The following STARD13 variants were observed in gnomAD, a reference collection of about 807,000 sequenced individuals.
STARD13 encodes StAR related lipid transfer domain containing 13, also known as stAR-related lipid transfer protein 13.
In STARD13, 62 loss-of-function variants were observed where a neutral mutation model predicts 106.4. The ratio of observed to expected loss-of-function variants is 0.58; its 90% CI spans 0.48 to 0.72. STARD13 has a LOEUF of 0.72. Ranked by LOEUF, STARD13 falls within the 30% of genes least tolerant of loss-of-function variation. The pLI, the probability that STARD13 is intolerant of heterozygous loss-of-function variation, is 0.00. For missense variants in STARD13, 1,387 were observed against 1,424.0 expected (o/e 0.97, Z 0.42); for synonymous variants, 565 against 553.0 (o/e 1.02, Z -0.31).
rs5802678 is a variant in STARD13 at position 33,262,662 on chromosome 13, A to ACACACACAAC, written c.169+22807_169+22808insGTTGTGTGTG. Among the ~76,000 whole-genome samples, 28 of 114,986 alleles carry ACACACACAAC rather than the reference A, an allele frequency of 2.4e-4. 1 individual carries two copies. Among genetic ancestry groups the ACACACACAAC allele is most frequent in the African/African-American group, 9.2e-4 (28 of 30,538 alleles). The allele number at this position is 114,986 out of a possible 152,430, so 75.4% of individuals were successfully genotyped here. On this transcript the variant is annotated intron_variant, in intron 1 of 13. Coordinates refer to ENST00000336934, the MANE Select transcript of STARD13 (RefSeq NM_178006.4). ...AACCCCCCCCCCCACACACACACAC[A>ACACACACAAC]ACACACACACACACACACACACACA...
chr13:33,611,786 T>C, the STARD13 span, among the ~76,000 whole-genome samples: 8 of 152,222 alleles, frequency 5.3e-5, no homozygotes, highest in Non-Finnish European at 8.8e-5. Flanking sequence ...ACTGAGTTGA[T>C]CAGTGTCCTG....
Position 33,118,185 on chromosome 13 carries a change from C to A in STARD13, c.2161G>T (p.Val721Phe). ...TAAGCAGACTGGTCTTCATAGTTGA[C>A]GTTCTCAGGGAAGTTTTCATTCATT... ...RQMNENFPENVNYEDQSAYDV... is the reference protein window; with the variant it reads ...RQMNENFPENFNYEDQSAYDV... The change falls in exon 8 of 14, where the codon GTC becomes TTC. Residue 721 changes from valine (V) to phenylalanine (F), a missense_variant. Transcript: ENST00000336934. 6.2e-7 allele frequency: 1 copy of A among 1,614,166 alleles called. No individual in the cohort carries two copies. The highest frequency in any genetic ancestry group is 8.5e-7 in the Non-Finnish European group (1 of 1,180,024).
chr13:33,580,136 A>T, the STARD13 span, among the ~76,000 whole-genome samples: 1 of 152,150 alleles, frequency 6.6e-6, no homozygotes, highest in Non-Finnish European at 1.5e-5. Context: ...ATTTATTCAG[A>T]ATTACCAAAA....
intron 1 of STARD13, among the ~76,000 whole-genome samples, chr13:33,333,102 T>G (rs1489851183): frequency 5.3e-5 from 8 of 152,174 alleles, no homozygotes; most frequent in Admixed American, 5.2e-4. Context: ...AAATTTCAGC[T>G]ATGCTGGCTG....
chr13:33,412,959 TA>T, the STARD13 span, among the ~76,000 whole-genome samples: 1 of 152,164 alleles, frequency 6.6e-6, no homozygotes, highest in African/African-American at 2.4e-5. Flanking sequence ...TAATAGCATA[TA>T]ATTAATATTT....
At chr13:33,112,373 G>A (rs943227551) in intron 9 of STARD13, among the ~76,000 whole-genome samples, 17 of 152,312 alleles carry the variant, frequency 1.1e-4, no homozygotes, top group African/African-American at 3.8e-4. Flanking sequence ...ATTATGAAAA[G>A]AGTGTTGACA....
At chr13:33,225,964 T>C (rs1467260495) in intron 1 of STARD13, among the ~76,000 whole-genome samples, 1 of 152,060 alleles carries the variant, frequency 6.6e-6, no homozygotes, top group Non-Finnish European at 1.5e-5. Context: ...CTTTTGGAGG[T>C]AATTAGGGTT....
chr13:33,644,222 G>T, the STARD13 span, among the ~76,000 whole-genome samples: 4,676 of 152,308 alleles, frequency 0.031, 79 homozygotes, highest in African/African-American at 0.051. Context: ...CTCAGGCCTG[G>T]TCTGGCCATT....
chr13:33,666,735 C>A, the STARD13 span, among the ~76,000 whole-genome samples: 1 of 152,242 alleles, frequency 6.6e-6, no homozygotes. Context: ...GGATTACAGG[C>A]TCCCACCACC....
At chr13:33,673,869 T>C in the STARD13 span, among the ~76,000 whole-genome samples, 190 of 151,632 alleles carry the variant, frequency 1.3e-3, 1 homozygote, top group African/African-American at 4.5e-3. Context: ...CTTTTTTTTT[T>C]TCTTTTTTTC....
chr13:33,617,743 G>T, the STARD13 span, among the ~76,000 whole-genome samples: 11 of 152,198 alleles, frequency 7.2e-5, no homozygotes, highest in South Asian at 1.4e-3. Context: ...AGTGTCTACT[G>T]AGGACCAAGC....
the STARD13 span, among the ~76,000 whole-genome samples, chr13:33,604,187 T>C: frequency 3.8e-4 from 57 of 151,918 alleles, no homozygotes; most frequent in Admixed American, 3.5e-3. Flanking sequence ...CAAGAAATGG[T>C]GAAGAAATGT....
At chr13:33,257,902 CAGCTG>C (rs1267279745) in intron 1 of STARD13, among the ~76,000 whole-genome samples, 1 of 152,238 alleles carries the variant, frequency 6.6e-6, no homozygotes, top group African/African-American at 2.4e-5. Context: ...CAATTTGTAA[CAGCTG>C]AGACTCATAA....
intron 8 of STARD13, among the ~76,000 whole-genome samples, chr13:33,117,151 C>G (rs1875500192): frequency 6.6e-6 from 1 of 152,182 alleles, no homozygotes; most frequent in Admixed American, 6.5e-5. Context: ...CTCTGTCACC[C>G]AGGCCGGAGT....
the STARD13 span, among the ~76,000 whole-genome samples, chr13:33,615,607 A>G: frequency 3.9e-5 from 6 of 152,180 alleles, no homozygotes; most frequent in Non-Finnish European, 8.8e-5. Flanking sequence ...CCGAGAAGAA[A>G]CTTTCCAGGG....
the STARD13 span, among the ~76,000 whole-genome samples, chr13:33,370,558 T>C: frequency 6.6e-6 from 1 of 152,162 alleles, no homozygotes. Context: ...AATTGTATTT[T>C]CTGAATGTCA....
chr13:33,177,805 G>A (rs199808578), intron 1 of STARD13, among the ~76,000 whole-genome samples: 3,711 of 13,936 alleles, frequency 0.27, 271 homozygotes, highest in East Asian at 0.34. Flanking sequence ...GGAAGGAAAG[G>A]AAGGAAGGAA....
the STARD13 span, among the ~76,000 whole-genome samples, chr13:33,600,904 C>CA: frequency 0.19 from 29,431 of 152,084 alleles, 3,419 homozygotes; most frequent in East Asian, 0.34. Flanking sequence ...CTTGTGTTTG[C>CA]TATCTTCTCC....
At chr13:33,164,175 T>A in intron 3 of STARD13, 1 of 152,208 alleles carries the variant, frequency 6.6e-6, no homozygotes, top group East Asian at 1.9e-4. Context: ...CATAGTATTA[T>A]TTTCTTGAAC....
Sources: allele counts gnomAD v4.1 joint callset (sites outside exome capture counted in the v4.1 genomes callset), GRCh38; gene constraint gnomAD v4.1.1; transcripts MANE v1.5; gene names NCBI Gene and HGNC (gene_info 2026-07-23, HGNC 2026-07-21).